NBEAL1: variants seen among roughly 807,000 people sequenced by gnomAD.
NBEAL1 encodes neurobeachin-like protein 1.
Under a neutral mutation model 351.3 loss-of-function variants are expected in NBEAL1, and 273 were observed. The observed-to-expected ratio is 0.78, with a 90% confidence interval of 0.70 to 0.86. The LOEUF (loss-of-function observed/expected upper bound fraction) is 0.86, where lower values mean the gene tolerates loss of function less well. Ranked by LOEUF, NBEAL1 falls within the 40% of genes least tolerant of loss-of-function variation. The pLI, the probability that NBEAL1 is intolerant of heterozygous loss-of-function variation, is 0.00. For synonymous variants in NBEAL1, 1,050 were observed against 1,086.4 expected, an observed-to-expected ratio of 0.97 and a Z score of 0.66; for missense variants, 2,961 against 3,201.3, an observed-to-expected ratio of 0.92 and a Z score of 1.81.
intron 44 of NBEAL1, among the ~76,000 whole-genome samples, chr2:203,186,475 T>C (rs974917128): frequency 6.6e-6 from 1 of 152,168 alleles, no homozygotes; most frequent in Non-Finnish European, 1.5e-5. Context: ...TACTGTTTTA[T>C]AGCAATTCAG....
intron 30 of NBEAL1, 94 bp downstream of exon 30, chr2:203,138,409 T>G: frequency 1.7e-6 from 2 of 1,188,782 alleles, no homozygotes; most frequent in Non-Finnish European, 2.4e-6. Context: ...GCGTTAATGC[T>G]TAATCAGATT....
chr2:203,210,733 ATTC>A (rs1427666803), intron 53 of NBEAL1, among the ~76,000 whole-genome samples: 4 of 152,192 alleles, frequency 2.6e-5, no homozygotes, highest in South Asian at 2.1e-4. Flanking sequence ...TGAGATTTTA[ATTC>A]TTCTTTGGAG....
intron 2 of NBEAL1, among the ~76,000 whole-genome samples, chr2:203,031,663 C>T (rs1002695592): frequency 2.0e-5 from 3 of 151,966 alleles, no homozygotes; most frequent in Non-Finnish European, 2.9e-5. Context: ...AGTGACCTGG[C>T]AGTTTTGAAA....
intron 8 of NBEAL1, among the ~76,000 whole-genome samples, chr2:203,080,898 T>C (rs1413684407): frequency 6.6e-6 from 1 of 152,218 alleles, no homozygotes; most frequent in Non-Finnish European, 1.5e-5. Context: ...AGTGGCATTG[T>C]TATGACTAAT....
intron 6 of NBEAL1, among the ~76,000 whole-genome samples, chr2:203,066,744 C>A (rs2061595263): frequency 6.8e-6 from 1 of 147,240 alleles, no homozygotes; most frequent in African/African-American, 2.5e-5. Context: ...GACGGGGTGG[C>A]AGCTGGGCAG....
chr2:203,014,921 G>A lies in NBEAL1; in HGVS notation c.-291G>A, dbSNP rs1474817309. 3 of 152,300 alleles carry A rather than the reference G, an allele frequency of 2.0e-5. No homozygotes were observed. Among genetic ancestry groups the A allele is most frequent in the Non-Finnish European group, 4.4e-5 (3 of 68,122 alleles). 9.4% of individuals were successfully genotyped at this position (152,300 alleles called of 1,614,324 possible). ...CGGGGTGACACGGGGCTTCGCCTTG[G>A]GAAGGGGTCGAGGGAAGCAGTTAGA... On this transcript the variant is annotated 5_prime_UTR_variant, in exon 1 of 56. Transcript: ENST00000683969.
At chr2:203,151,369 T>G (rs1374863259) in intron 34 of NBEAL1, 96 bp from the exon 35 acceptor site, 4 of 892,694 alleles carry the variant, frequency 4.5e-6, no homozygotes, top group Non-Finnish European at 6.5e-6. Flanking sequence ...ACTAAACAAA[T>G]GTAAAATACT....
intron 4 of NBEAL1, chr2:203,050,240 AG>A (rs1430549756): frequency 5.5e-4 from 122 of 221,290 alleles, no homozygotes; most frequent in African/African-American, 2.3e-3. Flanking sequence ...TAAATAAAAA[AG>A]AAAAAAAGAA....
At chr2:203,177,038 C>T (rs2064528268) in intron 42 of NBEAL1, among the ~76,000 whole-genome samples, 1 of 150,938 alleles carries the variant, frequency 6.6e-6, no homozygotes, top group Non-Finnish European at 1.5e-5. Context: ...GTAGTCCCAG[C>T]TACTTGGGAG....
intron 39 of NBEAL1, 119 bp from the exon 40 acceptor site, chr2:203,171,809 C>A: frequency 4.3e-6 from 2 of 461,874 alleles, no homozygotes; most frequent in Admixed American, 4.6e-5. Flanking sequence ...ATTGATTTAT[C>A]TCCCTGTTGT....
intron 15 of NBEAL1, 104 bp from the exon 16 acceptor site, chr2:203,111,875 C>T (rs1401166563): frequency 1.1e-5 from 14 of 1,256,688 alleles, no homozygotes; most frequent in Admixed American, 6.0e-5. Flanking sequence ...TTAATCTTAA[C>T]GTTCTACTAT....
intron 45 of NBEAL1, among the ~76,000 whole-genome samples, chr2:203,189,671 C>T (rs1158395984): frequency 1.3e-5 from 2 of 151,268 alleles, no homozygotes; most frequent in Non-Finnish European, 2.9e-5. Context: ...ACAGGCGTGA[C>T]CCACCACCCC....
chr2:203,096,695 A>G (rs1301613481), intron 10 of NBEAL1, among the ~76,000 whole-genome samples: 1 of 152,234 alleles, frequency 6.6e-6, no homozygotes, highest in Non-Finnish European at 1.5e-5. Flanking sequence ...ATACTTTTAA[A>G]CTAATGTTTT....
intron 51 of NBEAL1, among the ~76,000 whole-genome samples, chr2:203,207,919 A>T (rs2065656251): frequency 6.6e-6 from 1 of 152,254 alleles, no homozygotes; most frequent in Admixed American, 6.5e-5. Flanking sequence ...AGAAAGAATG[A>T]TAACTAAAAA....
chr2:203,044,931 C>T (rs897854044), intron 3 of NBEAL1, among the ~76,000 whole-genome samples: 1 of 152,062 alleles, frequency 6.6e-6, no homozygotes, highest in Admixed American at 6.6e-5. Context: ...AACAGAGGAA[C>T]AGATTTGTGG....
At chr2:203,073,009 A>G (rs1433869957) in intron 7 of NBEAL1, among the ~76,000 whole-genome samples, 2 of 152,108 alleles carry the variant, frequency 1.3e-5, no homozygotes, top group African/African-American at 2.4e-5. Context: ...TGAGAATGCT[A>G]TTATGATTTT....
chr2:203,072,221 A>G lies in NBEAL1; in HGVS notation c.598+3746A>G, dbSNP rs914897963. Among the ~76,000 whole-genome samples, 12 of 152,198 alleles carry G rather than the reference A, an allele frequency of 7.9e-5. 1 individual carries two copies. Among genetic ancestry groups the G allele is most frequent in the Admixed American group, 7.9e-4 (12 of 15,278 alleles). Reference sequence around the variant, plus strand: ...ATCTATAGAATCCAAGAAGTCCAACAGTCTACCTTCATTCCTTCCCACTTT... The same window carrying G: ...ATCTATAGAATCCAAGAAGTCCAACGGTCTACCTTCATTCCTTCCCACTTT... On this transcript the variant is annotated intron_variant, in intron 7 of 55. Transcript: ENST00000683969.
At chr2:203,179,503 A>G (rs147209339) in intron 42 of NBEAL1, among the ~76,000 whole-genome samples, 13 of 152,178 alleles carry the variant, frequency 8.5e-5, no homozygotes, top group Admixed American at 2.6e-4. Context: ...AATACATAAA[A>G]TTAATTAATT....
At chr2:203,040,533 T>C (rs544006890) in intron 2 of NBEAL1, 5 of 670,520 alleles carry the variant, frequency 7.5e-6, no homozygotes, top group Admixed American at 5.4e-5. Context: ...CCTGGGGATT[T>C]CCAAATCTGA....
Sources: gnomAD v4.1 joint callset for allele counts (sites outside exome capture counted in the v4.1 genomes callset) on GRCh38, gnomAD v4.1.1 for gene constraint, MANE v1.5 for transcripts, NCBI Gene and HGNC (gene_info 2026-07-23, HGNC 2026-07-21) for gene names.